EEA1: variants seen among roughly 807,000 people sequenced by gnomAD.
EEA1 encodes early endosome antigen 1.
A neutral mutation model predicts 209.2 loss-of-function variants in EEA1; 111 were observed. The ratio of observed to expected loss-of-function variants is 0.53; its 90% confidence interval spans 0.45 to 0.62. The LOEUF is 0.62. Ranked by LOEUF, EEA1 falls within the 20% of genes least tolerant of loss-of-function variation. The pLI is 0.00. For synonymous variants in EEA1, 536 were observed against 540.6 expected (o/e 0.99, Z 0.12); for missense variants, 1,343 against 1,530.8 (o/e 0.88, Z 2.05).
chr12:92,832,516 T>A lies in EEA1; in HGVS notation c.1250A>T (p.Asn417Ile). 1 of 1,604,468 alleles carries A rather than the reference T, an allele frequency of 6.2e-7. No homozygotes were observed. Among genetic ancestry groups the A allele is most frequent in the Non-Finnish European group, 8.5e-7 (1 of 1,176,656 alleles). ...AATAAAATTAACAGCTCTTACTTGA[T>A]TAATTTCACTTTGGAGTTGTAACCC... ...QHGLQLQSEI[N>I]QLHSKLLETE... Residue 417 changes from asparagine to isoleucine, a missense_variant, in exon 11 of 29, where the codon AAT becomes ATT. By Grantham distance (149) the Asn-to-Ile change is moderately radical. Around this residue, in one of 3 missense-constraint regions of EEA1, gnomAD observed 1,307 missense variants for 1,465.5 expected, o/e 0.89. Transcript: ENST00000322349.
At chr12:92,867,819 G>A (rs553856294) in intron 2 of EEA1, among the ~76,000 whole-genome samples, 1 of 151,842 alleles carries the variant, frequency 6.6e-6, no homozygotes, top group South Asian at 2.1e-4. Context: ...TATTATATAT[G>A]TGTCTCATCT....
At chr12:92,925,386 T>C (rs768500700) in intron 1 of EEA1, among the ~76,000 whole-genome samples, 3 of 152,120 alleles carry the variant, frequency 2.0e-5, no homozygotes, top group Non-Finnish European at 4.4e-5. Context: ...GGCTAATTTT[T>C]GTATTTTTTG....
At chr12:92,793,388 T>C (rs953878565) in intron 21 of EEA1, among the ~76,000 whole-genome samples, 5 of 152,206 alleles carry the variant, frequency 3.3e-5, no homozygotes, top group Non-Finnish European at 5.9e-5. Flanking sequence ...AACCCCATTG[T>C]CTCAGTCCAA....
At chr12:92,851,002 C>A in intron 9 of EEA1, 109 bp downstream of exon 9, 2 of 1,026,682 alleles carry the variant, frequency 1.9e-6, no homozygotes, top group South Asian at 1.9e-5. Flanking sequence ...GAAAGAAAGA[C>A]AAATATTTTG....
At chr12:92,857,625 T>C (rs1877939675) in intron 3 of EEA1, 140 bp from the exon 4 acceptor site, 1 of 487,886 alleles carries the variant, frequency 2.0e-6, no homozygotes, top group South Asian at 5.6e-5. Context: ...ATTTTATCTA[T>C]AATAGCATAT....
chr12:92,786,513 A>G (rs555985357), intron 22 of EEA1, among the ~76,000 whole-genome samples: 1 of 152,234 alleles, frequency 6.6e-6, no homozygotes, highest in South Asian at 2.1e-4. Flanking sequence ...TCTTTCACCC[A>G]ATTTCCTATC....
intron 20 of EEA1, among the ~76,000 whole-genome samples, chr12:92,799,860 A>G (rs1474326303): frequency 1.3e-5 from 2 of 152,198 alleles, no homozygotes; most frequent in Non-Finnish European, 1.5e-5. Flanking sequence ...CGCAAAGAAT[A>G]GCTCTATAGT....
At chr12:92,850,676 C>A (rs1340330328) in intron 9 of EEA1, among the ~76,000 whole-genome samples, 61 of 81,154 alleles carry the variant, frequency 7.5e-4, no homozygotes, top group Middle Eastern at 0.014. Context: ...GGTGACAGAG[C>A]AAGACTTTGT....
chr12:92,787,651 TC>T (rs1267797429), intron 22 of EEA1, among the ~76,000 whole-genome samples: 1 of 152,084 alleles, frequency 6.6e-6, no homozygotes, highest in Admixed American at 6.6e-5. Context: ...TTAAGATATA[TC>T]CAAATTATCT....
intron 9 of EEA1, among the ~76,000 whole-genome samples, chr12:92,845,542 A>G (rs1362633268): frequency 1.3e-5 from 2 of 152,140 alleles, no homozygotes; most frequent in African/African-American, 4.8e-5. Context: ...TCTCCTGGGA[A>G]TCCTAGCTCC....
intron 8 of EEA1, among the ~76,000 whole-genome samples, chr12:92,851,589 T>A (rs559945851): frequency 1.3e-5 from 2 of 152,310 alleles, no homozygotes; most frequent in Admixed American, 1.3e-4. Context: ...TCCTTCTTTT[T>A]CTATCCTACA....
intron 3 of EEA1, among the ~76,000 whole-genome samples, chr12:92,862,859 C>G (rs1878211618): frequency 6.6e-6 from 1 of 152,062 alleles, no homozygotes; most frequent in Non-Finnish European, 1.5e-5. Context: ...ACTGGGTGGA[C>G]AGATAATGAC....
chr12:92,787,284 T>C (rs1184815996), intron 22 of EEA1, among the ~76,000 whole-genome samples: 1 of 152,112 alleles, frequency 6.6e-6, no homozygotes, highest in Non-Finnish European at 1.5e-5. Context: ...AGAAAACTGG[T>C]ACCTTCCTGT....
At chr12:92,901,277 T>C (rs934978346) in intron 1 of EEA1, among the ~76,000 whole-genome samples, 3 of 151,230 alleles carry the variant, frequency 2.0e-5, no homozygotes, top group African/African-American at 4.9e-5. Flanking sequence ...ATCTCAAACC[T>C]ATGGGCTCCA....
At chr12:92,832,049 T>G (rs1876673344) in intron 11 of EEA1, among the ~76,000 whole-genome samples, 1 of 146,884 alleles carries the variant, frequency 6.8e-6, no homozygotes, top group South Asian at 2.1e-4. Context: ...ATTGCGCCAC[T>G]GCAGTCCGCA....
intron 1 of EEA1, among the ~76,000 whole-genome samples, chr12:92,911,002 T>C (rs777144207): frequency 6.6e-6 from 1 of 152,174 alleles, no homozygotes; most frequent in Non-Finnish European, 1.5e-5. Context: ...GACAAGGATG[T>C]GGAGAAATAG....
chr12:92,777,779 C>T (rs1873722073), intron 26 of EEA1, 116 bp from the exon 27 acceptor site: 1 of 1,277,928 alleles, frequency 7.8e-7, no homozygotes, highest in African/African-American at 1.5e-5. Context: ...TTAATTTTGA[C>T]TATCTGATTG....
At position 92,779,201 on chromosome 12, in the gene EEA1, TCTC is replaced by T. The variant is rs1291605223; in HGVS notation, c.3565_3567del (p.Glu1189del). The stretch of plus-strand genomic sequence containing the variant: ...TCTTTTAGTATCTGCTGATTTCTCT[TCTC>T]CTGTTCAACAGCTGCCTTCAGGGAG... On this transcript the variant is annotated inframe_deletion, in exon 25 of 29. Coordinates refer to ENST00000322349, the MANE Select transcript of EEA1 (RefSeq NM_003566.4). 3 of 1,611,954 alleles carry T rather than the reference TCTC, an allele frequency of 1.9e-6. No individual in the cohort carries two copies. Among genetic ancestry groups the T allele is most frequent in the African/African-American group, 1.3e-5 (1 of 74,788 alleles).
intron 9 of EEA1, among the ~76,000 whole-genome samples, chr12:92,850,713 A>G (rs937281168): frequency 2.0e-5 from 3 of 150,872 alleles, no homozygotes; most frequent in Admixed American, 6.6e-5. Flanking sequence ...AAAAAAAAAA[A>G]AAAGAAATAA....
Sources: allele counts gnomAD v4.1 joint callset (sites outside exome capture counted in the v4.1 genomes callset), GRCh38; gene constraint gnomAD v4.1.1; regional missense constraint gnomAD v4.1.1; transcripts MANE v1.5; gene names NCBI Gene and HGNC (gene_info 2026-07-23, HGNC 2026-07-21).